The following ATOSA variants were observed in gnomAD, a reference collection of about 807,000 sequenced individuals.
The protein encoded by ATOSA is atos homolog protein A.
the ATOSA span, chr15:52,600,302 A>C: frequency 3.2e-6 from 3 of 951,948 alleles, no homozygotes; most frequent in Non-Finnish European, 4.9e-6. Context: ...ATCTTGAGAC[A>C]GGGTCTCACT....
At chr15:52,629,889 C>T in the ATOSA span, among the ~76,000 whole-genome samples, 5 of 151,868 alleles carry the variant, frequency 3.3e-5, no homozygotes, top group South Asian at 1.0e-3. Context: ...ATTGGGGAAG[C>T]AGCAGGGAGA....
chr15:52,674,887 T>G, the ATOSA span, among the ~76,000 whole-genome samples: 17 of 151,112 alleles, frequency 1.1e-4, no homozygotes, highest in African/African-American at 4.1e-4. Context: ...ATATAAGCAT[T>G]TGTAATGTTT....
chr15:52,638,763 G>A, the ATOSA span, among the ~76,000 whole-genome samples: 1 of 150,974 alleles, frequency 6.6e-6, no homozygotes, highest in Non-Finnish European at 1.5e-5. Flanking sequence ...GGTTGTATGC[G>A]TGTGGAAACA....
the ATOSA span, among the ~76,000 whole-genome samples, chr15:52,696,875 T>C: frequency 4.6e-5 from 7 of 151,612 alleles, no homozygotes; most frequent in African/African-American, 1.7e-4. Context: ...TTTAACCTAA[T>C]ATAAATTATA....
the ATOSA span, among the ~76,000 whole-genome samples, chr15:52,702,411 G>A: frequency 6.6e-6 from 1 of 152,168 alleles, no homozygotes; most frequent in African/African-American, 2.4e-5. Flanking sequence ...ATACACCATG[G>A]AATACCACAC....
chr15:52,594,215 C>T, the ATOSA span, among the ~76,000 whole-genome samples: 5 of 151,936 alleles, frequency 3.3e-5, no homozygotes, highest in Non-Finnish European at 7.4e-5. Context: ...TAATTCTAAC[C>T]GAGAAATAAT....
At chr15:52,676,512 T>G in the ATOSA span, among the ~76,000 whole-genome samples, 2 of 149,890 alleles carry the variant, frequency 1.3e-5, no homozygotes, top group East Asian at 4.2e-4. Context: ...CTGGTTTTAG[T>G]AAAAGAAAAA....
the ATOSA span, among the ~76,000 whole-genome samples, chr15:52,638,423 T>A: frequency 6.6e-6 from 1 of 152,014 alleles, no homozygotes; most frequent in South Asian, 2.1e-4. Context: ...AGTACCACTG[T>A]GGGCCGGGCA....
the ATOSA span, among the ~76,000 whole-genome samples, chr15:52,588,581 G>A: frequency 2.6e-3 from 402 of 152,240 alleles, no homozygotes; most frequent in African/African-American, 9.3e-3. Context: ...TGGGACTACA[G>A]GAACTCACCA....
chr15:52,630,898 G>T, the ATOSA span, among the ~76,000 whole-genome samples: 1 of 152,154 alleles, frequency 6.6e-6, no homozygotes, highest in East Asian at 1.9e-4. Flanking sequence ...ACTATAGGAT[G>T]ATTCTATTTG....
At chr15:52,638,869 A>G in the ATOSA span, among the ~76,000 whole-genome samples, 1 of 152,216 alleles carries the variant, frequency 6.6e-6, no homozygotes, top group African/African-American at 2.4e-5. Flanking sequence ...TACTTCCTAC[A>G]AAGGCCAGAA....
the ATOSA span, among the ~76,000 whole-genome samples, chr15:52,602,818 G>T: frequency 0.01 from 1,557 of 152,314 alleles, 26 homozygotes; most frequent in African/African-American, 0.036. Context: ...GATTGTTACA[G>T]ACTTGCAGCC....
chr15:52,653,946 T>C, the ATOSA span, among the ~76,000 whole-genome samples: 2 of 152,194 alleles, frequency 1.3e-5, no homozygotes, highest in African/African-American at 2.4e-5. Flanking sequence ...TCTTCATTGT[T>C]TAAATAAGGA....
chr15:52,706,379 G>A, the ATOSA span, among the ~76,000 whole-genome samples: 27 of 152,250 alleles, frequency 1.8e-4, no homozygotes, highest in Admixed American at 1.7e-3. Context: ...CTTTTACTCT[G>A]GTTAGTAGAT....
the ATOSA span, among the ~76,000 whole-genome samples, chr15:52,592,900 C>A: frequency 1.4e-4 from 22 of 152,122 alleles, no homozygotes; most frequent in African/African-American, 5.3e-4. Flanking sequence ...GTAATCCCAA[C>A]ACTTGGAAGG....
chr15:52,688,185 G>A, the ATOSA span, among the ~76,000 whole-genome samples: 1 of 152,206 alleles, frequency 6.6e-6, no homozygotes, highest in Non-Finnish European at 1.5e-5. Context: ...AACCAAAGTA[G>A]CTATAGTAGT....
chr15:52,606,898 A>G, the ATOSA span, among the ~76,000 whole-genome samples: 1 of 152,198 alleles, frequency 6.6e-6, no homozygotes, highest in Admixed American at 6.5e-5. Flanking sequence ...TTCAGAAGAA[A>G]TTTTCCATAT....
chr15:52,666,742 G>A, the ATOSA span, among the ~76,000 whole-genome samples: 3 of 152,200 alleles, frequency 2.0e-5, no homozygotes, highest in Non-Finnish European at 2.9e-5. Flanking sequence ...ATGGGGAAAT[G>A]CAGCAGTGAA....
At chr15:52,672,172 C>CAAAAAAAAA in the ATOSA span, among the ~76,000 whole-genome samples, 29,773 of 61,780 alleles carry the variant, frequency 0.48, 10,688 homozygotes, top group Non-Finnish European at 0.62. Flanking sequence ...CCCCATTTCT[C>CAAAAAAAAA]AAAAAAAAAA....
Sources: gnomAD v4.1 joint callset for allele counts (sites outside exome capture counted in the v4.1 genomes callset) on GRCh38, gnomAD v4.1.1 for gene constraint, MANE v1.5 for transcripts, NCBI Gene and HGNC (gene_info 2026-07-23, HGNC 2026-07-21) for gene names.